COL8A1: variants seen among roughly 807,000 people sequenced by gnomAD.
COL8A1 encodes collagen alpha-1(VIII) chain.
COL8A1 carries 21 observed loss-of-function variants against 42.7 expected under a neutral mutation model. That is an observed-to-expected ratio of 0.49 (90% CI 0.35 to 0.71). The LOEUF (loss-of-function observed/expected upper bound fraction) is 0.71. COL8A1 is among the 30% of genes least tolerant of loss of function. The pLI, the probability that COL8A1 is intolerant of heterozygous loss-of-function variation, is 0.01. For missense variants in COL8A1, 788 were observed against 962.4 expected, an observed-to-expected ratio of 0.82 and a Z score of 2.40; for synonymous variants, 367 against 369.1, an observed-to-expected ratio of 0.99 and a Z score of 0.06.
At position 99,795,914 on chromosome 3, in the gene COL8A1, G is replaced by A; in HGVS notation, c.2013G>A (p.Gly671=). ...TTGCATACCACGTTCACTGCAAGGGGGGCAACGTGTGGGTTGCTCTATTCA... is the reference window on the plus strand; with the variant it reads ...TTGCATACCACGTTCACTGCAAGGGAGGCAACGTGTGGGTTGCTCTATTCA... The part of the protein sequence containing the change: ...YYFAYHVHCK[G]GNVWVALFKN... The change falls in exon 4 of 4, where the codon GGG becomes GGA. Residue 671 remains glycine, a synonymous_variant. Transcript: ENST00000652472. 6.2e-7 allele frequency: 1 copy of A among 1,614,170 alleles called. No individual in the cohort carries two copies. The highest frequency in any genetic ancestry group is 8.5e-7 in the Non-Finnish European group (1 of 1,180,020).
intron 3 of COL8A1, among the ~76,000 whole-genome samples, chr3:99,793,735 T>C (rs1044648380): frequency 2.6e-5 from 4 of 152,114 alleles, no homozygotes; most frequent in Non-Finnish European, 5.9e-5. Context: ...GTCAGCTTGA[T>C]TTTTCTTTCT....
intron 1 of COL8A1, among the ~76,000 whole-genome samples, chr3:99,721,673 T>C (rs1289871861): frequency 1.3e-5 from 2 of 152,166 alleles, no homozygotes; most frequent in Non-Finnish European, 2.9e-5. Flanking sequence ...TTTTGATATC[T>C]GGAGTATAAT....
intron 1 of COL8A1, among the ~76,000 whole-genome samples, chr3:99,739,891 T>C (rs536374626): frequency 6.6e-6 from 1 of 152,364 alleles, no homozygotes; most frequent in South Asian, 2.1e-4. Flanking sequence ...ATTTGTTTTT[T>C]CTTTTCTATC....
At chr3:99,700,236 G>A (rs895937774) in intron 1 of COL8A1, among the ~76,000 whole-genome samples, 19 of 151,872 alleles carry the variant, frequency 1.3e-4, no homozygotes, top group Non-Finnish European at 1.8e-4. Flanking sequence ...TGAAATGCAC[G>A]TATACCTATG....
chr3:99,735,600 G>T (rs1940681057), intron 1 of COL8A1, among the ~76,000 whole-genome samples: 1 of 149,822 alleles, frequency 6.7e-6, no homozygotes, highest in East Asian at 2.0e-4. Context: ...AAGGATATTG[G>T]TCTAAAATTC....
intron 1 of COL8A1, among the ~76,000 whole-genome samples, chr3:99,718,509 C>G (rs1940063347): frequency 6.6e-6 from 1 of 151,926 alleles, no homozygotes; most frequent in South Asian, 2.1e-4. Context: ...TTAGAGAGGG[C>G]AGGGAAGGAC....
At chr3:99,683,490 A>G (rs1181194230) in intron 1 of COL8A1, among the ~76,000 whole-genome samples, 2 of 152,202 alleles carry the variant, frequency 1.3e-5, no homozygotes, top group African/African-American at 4.8e-5. Flanking sequence ...TTTTTGTTTC[A>G]TTTAGATGTA....
intron 1 of COL8A1, among the ~76,000 whole-genome samples, chr3:99,704,061 A>G (rs1271990274): frequency 1.3e-5 from 2 of 152,308 alleles, no homozygotes; most frequent in Admixed American, 1.3e-4. Context: ...TAGAACCCTT[A>G]AAATTAGATG....
At chr3:99,753,738 A>G (rs1419811747) in intron 2 of COL8A1, among the ~76,000 whole-genome samples, 2 of 152,202 alleles carry the variant, frequency 1.3e-5, no homozygotes, top group African/African-American at 2.4e-5. Context: ...GTATCTCAGT[A>G]CTATGAAAAT....
intron 2 of COL8A1, among the ~76,000 whole-genome samples, chr3:99,778,836 C>A (rs1941742755): frequency 6.6e-6 from 1 of 152,086 alleles, no homozygotes; most frequent in Non-Finnish European, 1.5e-5. Context: ...AAGGGGTAGG[C>A]AGGATGAAAA....
At chr3:99,711,553 G>A (rs11706290) in intron 1 of COL8A1, among the ~76,000 whole-genome samples, 2,022 of 152,162 alleles carry the variant, frequency 0.013, 34 homozygotes, top group Non-Finnish European at 0.018. Flanking sequence ...CTTGGAAAAC[G>A]AAGCCAGTTC....
intron 1 of COL8A1, among the ~76,000 whole-genome samples, chr3:99,673,450 AT>A (rs1938604343): frequency 6.6e-6 from 1 of 152,106 alleles, no homozygotes; most frequent in Non-Finnish European, 1.5e-5. Flanking sequence ...ACTATCACCC[AT>A]GAGTTTGTCT....
intron 1 of COL8A1, among the ~76,000 whole-genome samples, chr3:99,669,146 T>TATATATATATATATAGAGAGAGAGAG: frequency 1.1e-4 from 13 of 115,392 alleles, no homozygotes; most frequent in African/African-American, 2.7e-4. Flanking sequence ...TATATATATA[T>TATATATATATATATAGAGAGAGAGAG]AGAGGGAGAG....
intron 1 of COL8A1, among the ~76,000 whole-genome samples, chr3:99,721,124 A>C (rs1420891734): frequency 1.3e-5 from 2 of 152,110 alleles, no homozygotes; most frequent in Non-Finnish European, 2.9e-5. Flanking sequence ...AAGAGCAAAC[A>C]TGCCATCCCC....
chr3:99,782,517 G>A (rs547991669), intron 2 of COL8A1, among the ~76,000 whole-genome samples: 1 of 151,916 alleles, frequency 6.6e-6, no homozygotes, highest in Non-Finnish European at 1.5e-5. Context: ...TCAGCCTCCC[G>A]AATAGCTGGG....
intron 1 of COL8A1, among the ~76,000 whole-genome samples, chr3:99,717,410 C>T (rs577958765): frequency 1.5e-4 from 23 of 152,040 alleles, no homozygotes; most frequent in East Asian, 3.9e-4. Context: ...TTCAAAGACA[C>T]GACACATCCA....
chr3:99,710,156 T>A (rs1939795321), intron 1 of COL8A1, among the ~76,000 whole-genome samples: 1 of 152,154 alleles, frequency 6.6e-6, no homozygotes, highest in African/African-American at 2.4e-5. Context: ...AATTCTGAGT[T>A]ATATGTTAAA....
chr3:99,702,032 G>C (rs1019007207), intron 1 of COL8A1, among the ~76,000 whole-genome samples: 7 of 152,256 alleles, frequency 4.6e-5, no homozygotes, highest in African/African-American at 1.7e-4. Flanking sequence ...AACCTAAGAA[G>C]TTGTCTCCTT....
At chr3:99,655,506 CAG>C (rs1212949385) in intron 1 of COL8A1, among the ~76,000 whole-genome samples, 1 of 152,186 alleles carries the variant, frequency 6.6e-6, no homozygotes, top group Non-Finnish European at 1.5e-5. Flanking sequence ...CTGCAGCAGA[CAG>C]AGGCACACAG....
Sources: allele counts gnomAD v4.1 joint callset (sites outside exome capture counted in the v4.1 genomes callset), GRCh38; gene constraint gnomAD v4.1.1; transcripts MANE v1.5; gene names NCBI Gene and HGNC (gene_info 2026-07-23, HGNC 2026-07-21).